The following MKRN2OS variants were observed in gnomAD, a reference collection of about 807,000 sequenced individuals.
MKRN2OS encodes the protein MKRN2 opposite strand protein.
MKRN2OS carries 17 observed loss-of-function variants against 18.2 expected under a neutral mutation model. The observed-to-expected ratio is 0.93, with a 90% CI of 0.64 to 1.40. The LOEUF (loss-of-function observed/expected upper bound fraction) is 1.40, where lower values mean the gene tolerates loss of function less well. MKRN2OS is among the 40% of genes most tolerant of loss of function. The pLI, the probability that MKRN2OS is intolerant of heterozygous loss-of-function variation, is 0.00. For missense variants in MKRN2OS, 337 were observed against 283.0 expected (o/e 1.19, Z -1.37); for synonymous variants, 121 against 108.5 (o/e 1.12, Z -0.72).
At chr3:12,560,478 TAAA>T (rs10651248) in intron 1 of MKRN2OS, among the ~76,000 whole-genome samples, 25 of 124,956 alleles carry the variant, frequency 2.0e-4, no homozygotes, top group Admixed American at 4.0e-4. Context: ...TAGGAAAATG[TAAA>T]AAAAAAAAAA....
rs80158072 is a variant in MKRN2OS, at chr3:12,554,652, A to T, written n.265-518T>A. ...AACTTATGGCATAGTCGTACAACGGAATACTATACAGTTCTACGAAAGGAG... is the reference window on the plus strand; with the variant it reads ...AACTTATGGCATAGTCGTACAACGGTATACTATACAGTTCTACGAAAGGAG... On this transcript the variant is annotated intron_variant and non_coding_transcript_variant, in intron 1 of 1. Coordinates refer to the MKRN2OS transcript ENST00000447550. Among the ~76,000 whole-genome samples the T allele has an allele frequency of 3.9e-5, 6 of 152,220 alleles. No homozygotes were observed. In the East Asian group the frequency reaches 1.2e-3, roughly 29 times the overall value.
rs911912258 is a variant in MKRN2OS, at chr3:12,543,067, A to G, written c.268+113T>C. On this transcript the variant is annotated intron_variant, in intron 2 of 3. Coordinates refer to ENST00000564146, the MANE Select transcript of MKRN2OS (RefSeq NM_001195279.2). ...GCCTACCTCATGGTGCAGTACAAGA[A>G]CCCAGTGAACAATGGAATCACTTAT... 8.2e-6 allele frequency: 7 copies of G among 852,562 alleles called. No homozygotes were observed. The East Asian group carries it at 1.9e-4, about 23-fold the overall frequency. The allele number at this position is 852,562 out of a possible 1,614,324, so 52.8% of individuals were successfully genotyped here. A position where few individuals can be genotyped will look rare whatever the true frequency, so the allele number is the denominator to read the frequency against.
chr3:12,542,998 T>G (rs983440828), intron 2 of MKRN2OS, among the ~76,000 whole-genome samples, 182 bp downstream of exon 2: 4 of 152,334 alleles, frequency 2.6e-5, no homozygotes, highest in Admixed American at 1.3e-4. Context: ...GTATTGTTAG[T>G]GATAATTTGC....
upstream of MKRN2OS, among the ~76,000 whole-genome samples, chr3:12,547,025 T>C (rs2057890843): frequency 6.6e-6 from 1 of 152,126 alleles, no homozygotes; most frequent in Non-Finnish European, 1.5e-5. Flanking sequence ...GGAGGAGTGC[T>C]TGAGCCTGGA....
chr3:12,554,726 G>T (rs147103576), intron 1 of MKRN2OS, among the ~76,000 whole-genome samples: 1 of 152,138 alleles, frequency 6.6e-6, no homozygotes, highest in Non-Finnish European at 1.5e-5. Context: ...GATTATGTAC[G>T]CTGTGCAGAA....
chr3:12,546,026 C>G (rs2057879622), upstream of MKRN2OS, among the ~76,000 whole-genome samples: 1 of 152,056 alleles, frequency 6.6e-6, no homozygotes. Context: ...CCAGGCTGGA[C>G]TTGAAGAGGC....
chr3:12,543,665 CTTT>C (rs1422833980), intron 1 of MKRN2OS, among the ~76,000 whole-genome samples: 1 of 151,928 alleles, frequency 6.6e-6, no homozygotes, highest in Non-Finnish European at 1.5e-5. Context: ...GTGGGAGGAT[CTTT>C]TGAGGCCAGG....
At chr3:12,547,855 C>G (rs554493983), upstream of MKRN2OS, among the ~76,000 whole-genome samples, 9 of 152,100 alleles carry the variant, frequency 5.9e-5, no homozygotes, top group Non-Finnish European at 1.0e-4. Context: ...AAGTGCATCT[C>G]CAGTGTTATA....
downstream of MKRN2OS, among the ~76,000 whole-genome samples, chr3:12,552,515 G>A (rs935156104): frequency 8.7e-5 from 13 of 150,108 alleles, no homozygotes; most frequent in Admixed American, 8.6e-4. Context: ...GGGTTCAAGC[G>A]ATTCTCCTGC....
At chr3:12,557,222 C>T (rs1485294510) in intron 1 of MKRN2OS, 2 of 1,525,574 alleles carry the variant, frequency 1.3e-6, no homozygotes, top group African/African-American at 1.4e-5. Flanking sequence ...CCCCAGGCCG[C>T]AGGGGGGCCG....
chr3:12,559,338 G>A (rs2633443), intron 1 of MKRN2OS, among the ~76,000 whole-genome samples: 88,234 of 151,992 alleles, frequency 0.58, 28,120 homozygotes, highest in African/African-American at 0.84. Context: ...CAAAAGCCTT[G>A]TCTCTAGACA....
In MKRN2OS at chr3:12,545,332, GT is replaced by G; in HGVS notation, c.132del (p.Pro45LeufsTer41). The G allele has an allele frequency of 6.5e-7, 1 of 1,536,112 alleles. No homozygotes were observed. Among genetic ancestry groups the G allele is most frequent in the Non-Finnish European group, 8.7e-7 (1 of 1,146,902 alleles). ...QDLGSRKLEDAPVSIANPFTN... is the reference protein window; with the variant it reads ...QDLGSRKLEDXPVSIANPFTN... ...GTAAATGGATTAGCGATGCTAACAG[GT>G]GCGTCCTCCAGCTTCCTCGAGCCCA... On this transcript the variant is annotated frameshift_variant, in exon 1 of 4. Transcript: ENST00000564146. LOFTEE classifies it high-confidence loss of function.
chr3:12,545,410 A>G lies in MKRN2OS; in HGVS notation c.55T>C (p.Tyr19His), dbSNP rs564772547. The G allele has an allele frequency of 1.8e-5, 27 of 1,535,362 alleles. No individual in the cohort carries two copies. The highest frequency in any genetic ancestry group is 2.3e-5 in the Non-Finnish European group (26 of 1,146,698). Residue 19 changes from tyrosine to histidine, a missense_variant, in exon 1 of 4, where the codon TAC (tyrosine) becomes CAC (histidine). By Grantham distance (83) the Tyr-to-His change is moderately conservative. Transcript: ENST00000564146. ...ALIKFNHCEKYIYSFSVPQCC... is the reference protein window; with the variant it reads ...ALIKFNHCEKHIYSFSVPQCC... ...TGGGGCACACTGAAGCTGTAGATGTATTTCTCACAGTGGTTGAATTTAATT... is the reference window on the plus strand; with the variant it reads ...TGGGGCACACTGAAGCTGTAGATGTGTTTCTCACAGTGGTTGAATTTAATT...
At chr3:12,550,699 T>C (rs2057923288), downstream of MKRN2OS, among the ~76,000 whole-genome samples, 1 of 152,252 alleles carries the variant, frequency 6.6e-6, no homozygotes, top group Non-Finnish European at 1.5e-5. Flanking sequence ...AGTCTCTTTT[T>C]CTGCCTTATG....
intron 3 of MKRN2OS, 97 bp downstream of exon 3, chr3:12,541,763 A>C: frequency 1.6e-6 from 2 of 1,256,370 alleles, no homozygotes; most frequent in Non-Finnish European, 2.2e-6. Context: ...ACATGAAGCT[A>C]AGTGCTGCTG....
chr3:12,554,348 T>C lies in MKRN2OS; in HGVS notation n.265-214A>G, dbSNP rs914238494. Among the ~76,000 whole-genome samples the C allele has an allele frequency of 5.1e-4, 77 of 151,922 alleles. 2 individuals are homozygous for C. Among genetic ancestry groups the C allele is most frequent in the Admixed American group, 4.8e-3 (73 of 15,250 alleles). ...GAACCCCAAGTGGAGACTGCTTGCA[T>C]CCTTCGGGAAAAGTCTAAGTGCTAA... On this transcript the variant is annotated intron_variant and non_coding_transcript_variant, in intron 1 of 1. Transcript: ENST00000447550.
upstream of MKRN2OS, among the ~76,000 whole-genome samples, chr3:12,546,797 C>G (rs1241739131): frequency 2.0e-5 from 3 of 152,064 alleles, no homozygotes; most frequent in Non-Finnish European, 2.9e-5. Flanking sequence ...AGGCTGGTCT[C>G]AAACTCCTGA....
Position 12,545,445 on chromosome 3 carries a change from C to T in MKRN2OS, c.20G>A (p.Gly7Glu). ...GTGGTTGAATTTAATTAAAGCCTTCCCAGCCTCTGCGCAGTGCATAGCTTT... is the reference window on the plus strand; with the variant it reads ...GTGGTTGAATTTAATTAAAGCCTTCTCAGCCTCTGCGCAGTGCATAGCTTT... MHCAEAGKALIKFNHCE... is the reference protein window; with the variant it reads MHCAEAEKALIKFNHCE... Residue 7 changes from glycine to glutamate, a missense_variant, in exon 1 of 4, where the codon GGG becomes GAG. Transcript: ENST00000564146. 8 of 1,533,672 alleles carry T rather than the reference C, an allele frequency of 5.2e-6. No homozygotes were observed. The highest frequency in any genetic ancestry group is 7.0e-6 in the Non-Finnish European group (8 of 1,146,040).
chr3:12,546,487 T>C (rs2057884562), upstream of MKRN2OS, among the ~76,000 whole-genome samples: 1 of 152,028 alleles, frequency 6.6e-6, no homozygotes. Context: ...TTATATGCAG[T>C]ATATAATTTT....
Sources: gnomAD v4.1 joint callset for allele counts (sites outside exome capture counted in the v4.1 genomes callset) on GRCh38, gnomAD v4.1.1 for gene constraint, MANE v1.5 for transcripts, NCBI Gene and HGNC (gene_info 2026-07-23, HGNC 2026-07-21) for gene names.